MALAT1: variants seen among roughly 807,000 people sequenced by gnomAD.
MALAT1 encodes the protein hepcarcin.
intron 3 of MALAT1, chr11:65,506,223 T>A: frequency 2.2e-6 from 1 of 456,670 alleles, no homozygotes; most frequent in Non-Finnish European, 4.2e-6. Context: ...TATTTCTCCT[T>A]TTCTCTGCAG....
At chr11:65,499,090 C>G (rs749777395) in exon 3 of MALAT1, 11 of 518,056 alleles carry the variant, frequency 2.1e-5, no homozygotes, top group African/African-American at 1.9e-4. Flanking sequence ...AGGGGGCAGG[C>G]GGAGCTTGAG....
exon 3 of MALAT1, chr11:65,502,578 G>A (rs1854573809): frequency 4.2e-6 from 2 of 481,446 alleles, no homozygotes; most frequent in Non-Finnish European, 8.0e-6. Flanking sequence ...CAGCTTGAAT[G>A]TCTCTTAGAG....
chr11:65,500,075 G>A (rs1854506173), exon 3 of MALAT1: 1 of 453,134 alleles, frequency 2.2e-6, no homozygotes, highest in African/African-American at 2.0e-5. Flanking sequence ...TAAAGCTTGA[G>A]AAGATGAGGG....
At chr11:65,504,060 T>C in intron 3 of MALAT1, 3 of 518,254 alleles carry the variant, frequency 5.8e-6, no homozygotes, top group South Asian at 1.4e-5. Context: ...TGGTAGGCAA[T>C]GTTTTACACT....
exon 3 of MALAT1, chr11:65,501,847 GGGCAAATATTGGCAATTAGTTGGCAGT>G (rs1170606372): frequency 1.9e-6 from 1 of 517,480 alleles, no homozygotes; most frequent in Admixed American, 2.0e-5. Flanking sequence ...TAAAGGGGAG[GGGCAAATATTGGCAATTAGTTGGCAGT>G]GGCCTGTTAC....
intron 1 of MALAT1, chr11:65,498,341 T>TGGCGGCAACTGGGGGGCC (rs773157587): frequency 9.7e-6 from 5 of 517,700 alleles, no homozygotes; most frequent in Admixed American, 5.8e-5. Flanking sequence ...CGTGGGGGGC[T>TGGCGGCAACTGGGGGGCC]GGCGGCAACT....
intron 3 of MALAT1, chr11:65,505,145 A>AG (rs759632326): frequency 3.9e-6 from 2 of 518,944 alleles, no homozygotes; most frequent in South Asian, 2.8e-5. Flanking sequence ...GTGGGGGTGG[A>AG]GGGGTGAGGT....
intron 3 of MALAT1, chr11:65,506,002 C>A (rs777801798): frequency 4.3e-6 from 2 of 464,874 alleles, no homozygotes; most frequent in Admixed American, 2.7e-5. Flanking sequence ...AGCTGATCTC[C>A]AATGCTCTTC....
chr11:65,502,033 TC>T (rs1854562498), exon 3 of MALAT1: 1 of 516,996 alleles, frequency 1.9e-6, no homozygotes, highest in Non-Finnish European at 3.9e-6. Context: ...TTAGTTTTTT[TC>T]CCCCCAGTTT....
At chr11:65,499,133 G>T (rs1565674001) in exon 3 of MALAT1, 1 of 517,624 alleles carries the variant, frequency 1.9e-6, no homozygotes, top group Non-Finnish European at 3.9e-6. Flanking sequence ...CTCTTTGAAA[G>T]ATAGAGATTA....
Position 65,505,341 on chromosome 11 carries a change from C to G in MALAT1, n.5169-919C>G, listed in dbSNP as rs181887222. 1.7e-5 allele frequency: 9 copies of G among 518,862 alleles called. No individual in the cohort carries two copies. The Admixed American group carries it at 1.7e-4, about 10-fold the overall frequency. The allele number at this position is 518,862 out of a possible 1,614,324, so 32.1% of individuals were successfully genotyped here. ...TAATGAGGACTTGCCTCAACTCCCT[C>G]TTTCTGGAGTGAAGCATCCGAAGGA... On this transcript the variant is annotated intron_variant and non_coding_transcript_variant, in intron 3 of 3. Coordinates refer to ENST00000619449, the Ensembl canonical transcript of MALAT1.
chr11:65,501,369 A>T (rs1326901313), exon 3 of MALAT1: 1 of 518,610 alleles, frequency 1.9e-6, no homozygotes, highest in Non-Finnish European at 3.9e-6. Context: ...ACAGGTTTAC[A>T]GTTTATAGAA....
At chr11:65,502,417 T>C (rs754158897) in exon 3 of MALAT1, 8 of 503,908 alleles carry the variant, frequency 1.6e-5, no homozygotes, top group Admixed American at 4.1e-5. Flanking sequence ...TTCAGTTGTG[T>C]GTAAGCAAGT....
At chr11:65,497,935 C>G (rs761381313) in intron 1 of MALAT1, 9 of 518,782 alleles carry the variant, frequency 1.7e-5, no homozygotes, top group African/African-American at 1.2e-4. Context: ...ACGAGTTGTG[C>G]TGCTATCTTA....
chr11:65,498,032 A>C (rs757219703), intron 1 of MALAT1: 3 of 518,784 alleles, frequency 5.8e-6, no homozygotes, highest in South Asian at 1.4e-5. Flanking sequence ...GTTTGGAGGA[A>C]AGCTTTTATT....
chr11:65,503,759 C>T (rs768910117), exon 3 of MALAT1: 8 of 515,818 alleles, frequency 1.6e-5, no homozygotes, highest in Non-Finnish European at 3.1e-5. Flanking sequence ...CTTTAATGGA[C>T]CAGATCAGGA....
At chr11:65,505,961 A>AG (rs747966054) in intron 3 of MALAT1, 2 of 445,834 alleles carry the variant, frequency 4.5e-6, no homozygotes, top group Non-Finnish European at 8.7e-6. Flanking sequence ...GGTGAACATA[A>AG]CAGACTTGGC....
intron 3 of MALAT1, chr11:65,504,468 T>G (rs780205699): frequency 5.8e-6 from 3 of 518,858 alleles, no homozygotes; most frequent in African/African-American, 1.9e-5. Flanking sequence ...CCCCAATGCT[T>G]GGAGTAGTGA....
At chr11:65,500,449 G>T (rs769173121) in exon 3 of MALAT1, 6 of 519,006 alleles carry the variant, frequency 1.2e-5, no homozygotes, top group South Asian at 8.4e-5. Flanking sequence ...CAGCAGACAG[G>T]ATTCCAGGAA....
Sources: allele counts gnomAD v4.1 joint callset, GRCh38; gene constraint gnomAD v4.1.1; transcripts MANE v1.5; gene names NCBI Gene and HGNC (gene_info 2026-07-23, HGNC 2026-07-21).